Variants in NSL1 observed in about 807,000 individuals in gnomAD.
NSL1 encodes the protein NSL1 component of MIS12 kinetochore complex.
In NSL1, 11 loss-of-function variants were observed where a neutral mutation model predicts 25.4. The ratio of observed to expected loss-of-function variants is 0.43; its 90% CI spans 0.27 to 0.72. The LOEUF (loss-of-function observed/expected upper bound fraction) is 0.72. Ranked by LOEUF, NSL1 falls within the 30% of genes least tolerant of loss-of-function variation. The pLI is 0.19. For synonymous variants in NSL1, 118 were observed against 120.6 expected (o/e 0.98, Z 0.14); for missense variants, 330 against 342.7 (o/e 0.96, Z 0.29).
chr1:212,736,092 C>T lies in NSL1; in HGVS notation c.*2316G>A. ...TCACTCTGTCACCCAGGCTGGAGTA[C>T]AGTGGTGCCATCCTGGCTCACTGCA... On this transcript the variant is annotated 3_prime_UTR_variant, in exon 6 of 6. Coordinates refer to ENST00000366977, the MANE Select transcript of NSL1 (RefSeq NM_015471.4). 1.0e-6 allele frequency: 1 copy of T among 960,272 alleles called. No individual in the cohort carries two copies. The highest frequency in any genetic ancestry group is 1.2e-6 in the Non-Finnish European group (1 of 807,086). The allele number at this position is 960,272 out of a possible 1,614,324, so 59.5% of individuals were successfully genotyped here. A position where few individuals can be genotyped will look rare whatever the true frequency, so the allele number is the denominator to read the frequency against.
chr1:212,777,211 A>C (rs1660413630), intron 4 of NSL1, among the ~76,000 whole-genome samples: 1 of 151,628 alleles, frequency 6.6e-6, no homozygotes, highest in Admixed American at 6.6e-5. Flanking sequence ...CCATCGCTAC[A>C]AAAAAAAATT....
chr1:212,784,439 G>C lies in NSL1; in HGVS notation c.368C>G (p.Ala123Gly). ...TCTGGGATACTGCTTACGTTTTGTG[G>C]CTATATCTACTATGATTTCATCAAA... is the stretch of plus-strand genomic sequence containing the variant. ...DQFDEIIVDI[A>G]TKRKQYPRKI... The change falls in exon 3 of 6, where the codon GCC (alanine) becomes GGC (glycine). Residue 123 changes from alanine to glycine, a missense_variant. Physicochemically the swap from Ala to Gly is moderately conservative, Grantham distance 60 (BLOSUM62 0). Transcript: ENST00000366977. 1 of 1,593,584 alleles carries C rather than the reference G, an allele frequency of 6.3e-7. No individual in the cohort carries two copies. Among genetic ancestry groups the C allele is most frequent in the Non-Finnish European group, 8.6e-7 (1 of 1,164,780 alleles).
chr1:212,776,339 G>A (rs990560317), intron 4 of NSL1, among the ~76,000 whole-genome samples: 4 of 151,390 alleles, frequency 2.6e-5, no homozygotes. Context: ...CTCCAGCCTG[G>A]GCAACAAGAG....
chr1:212,757,606 A>G (rs548778482), intron 4 of NSL1, among the ~76,000 whole-genome samples: 2 of 152,274 alleles, frequency 1.3e-5, no homozygotes, highest in Non-Finnish European at 2.9e-5. Context: ...CAAGAGATGG[A>G]GCAAGGATGT....
intron 4 of NSL1, among the ~76,000 whole-genome samples, chr1:212,776,740 A>AC (rs1383416086): frequency 1.3e-5 from 2 of 150,880 alleles, no homozygotes; most frequent in Non-Finnish European, 2.9e-5. Flanking sequence ...AACAACAACA[A>AC]AAAAAACCAA....
chr1:212,744,478 G>A (rs921894687), intron 4 of NSL1, among the ~76,000 whole-genome samples: 1 of 152,090 alleles, frequency 6.6e-6, no homozygotes, highest in Non-Finnish European at 1.5e-5. Flanking sequence ...TATGAGGCAT[G>A]CGAAAATACA....
intron 4 of NSL1, among the ~76,000 whole-genome samples, chr1:212,779,392 C>G (rs1172609023): frequency 7.0e-6 from 1 of 142,388 alleles, no homozygotes; most frequent in Non-Finnish European, 1.5e-5. Context: ...GGGGGGTCAG[C>G]CCCCCGCCCG....
chr1:212,745,905 G>T (rs138125174), intron 4 of NSL1, among the ~76,000 whole-genome samples: 1 of 152,192 alleles, frequency 6.6e-6, no homozygotes, highest in African/African-American at 2.4e-5. Flanking sequence ...GGCTGAGGCT[G>T]CAGTGAGCTA....
intron 4 of NSL1, among the ~76,000 whole-genome samples, chr1:212,743,385 G>C (rs950748238): frequency 7.3e-5 from 11 of 151,242 alleles, no homozygotes; most frequent in African/African-American, 2.4e-4. Context: ...GAATGGCCTC[G>C]ATCTCTTGAC....
chr1:212,773,507 T>C (rs1424267008), intron 4 of NSL1, among the ~76,000 whole-genome samples: 1 of 152,256 alleles, frequency 6.6e-6, no homozygotes, highest in South Asian at 2.1e-4. Flanking sequence ...AGTTAAGATA[T>C]GACTACTATC....
chr1:212,737,998 C>T lies in NSL1; in HGVS notation c.*410G>A, dbSNP rs912077511. On this transcript the variant is annotated 3_prime_UTR_variant, in exon 6 of 6. Coordinates refer to ENST00000366977, the MANE Select transcript of NSL1 (RefSeq NM_015471.4). ...TGATAATTACTTTTCAGCATGTAAACGAAAAATCATTATACAGCTCTCTCT... is the reference window on the plus strand; with the variant it reads ...TGATAATTACTTTTCAGCATGTAAATGAAAAATCATTATACAGCTCTCTCT... The T allele has an allele frequency of 1.2e-5, 12 of 984,790 alleles. No homozygotes were observed. In the South Asian group the frequency reaches 1.9e-4, roughly 15 times the overall value. 61.0% of individuals were successfully genotyped at this position (984,790 alleles called of 1,614,324 possible).
At chr1:212,778,023 C>CA (rs1660458543) in intron 4 of NSL1, among the ~76,000 whole-genome samples, 1 of 152,092 alleles carries the variant, frequency 6.6e-6, no homozygotes, top group African/African-American at 2.4e-5. Context: ...ATGACAATAA[C>CA]AAAATGAAGA....
chr1:212,740,557 A>C (rs1266308759), intron 4 of NSL1, among the ~76,000 whole-genome samples: 1 of 152,030 alleles, frequency 6.6e-6, no homozygotes, highest in Non-Finnish European at 1.5e-5. Context: ...TTTTTAATGT[A>C]CTTGTTTTTT....
Position 212,730,237 on chromosome 1 carries a change from CAAAAA to C in NSL1, c.*8166_*8170del, listed in dbSNP as rs532313864. The C allele has an allele frequency of 9.6e-4, 578 of 602,402 alleles. No individual in the cohort carries two copies. The highest frequency in any genetic ancestry group is 5.9e-3 in the South Asian group (69 of 11,676). 37.3% of individuals were successfully genotyped at this position (602,402 alleles called of 1,614,324 possible). On this transcript the variant is annotated 3_prime_UTR_variant, in exon 6 of 6. Transcript: ENST00000366977. The stretch of plus-strand genomic sequence containing the variant: ...TACACTCCAGCCTGGGTGACAGTCT[CAAAAA>C]AAAAAAAAAAAAAAAAAAAAAAAGA...
Position 212,729,572 on chromosome 1 carries a change from CCT to C in NSL1, c.*8834_*8835del. The C allele has an allele frequency of 2.0e-6, 2 of 985,308 alleles. No individual in the cohort carries two copies. The highest frequency in any genetic ancestry group is 2.4e-6 in the Non-Finnish European group (2 of 829,912). 61.0% of individuals were successfully genotyped at this position (985,308 alleles called of 1,614,324 possible). A position where few individuals can be genotyped will look rare whatever the true frequency, so the allele number is the denominator to read the frequency against. ...TTTTATTATTCTGCCAGTGTCATCCCCTCATTTCTACACTTCCTCAGGATCAG... is the reference window on the plus strand; with the variant it reads ...TTTTATTATTCTGCCAGTGTCATCCCCATTTCTACACTTCCTCAGGATCAG... On this transcript the variant is annotated 3_prime_UTR_variant, in exon 6 of 6. Coordinates refer to ENST00000366977, the MANE Select transcript of NSL1 (RefSeq NM_015471.4).
At chr1:212,776,319 C>T (rs192215949) in intron 4 of NSL1, among the ~76,000 whole-genome samples, 3 of 151,546 alleles carry the variant, frequency 2.0e-5, no homozygotes, top group South Asian at 2.1e-4. Flanking sequence ...ACCAAGATCG[C>T]GCCATTGCAC....
At chr1:212,783,885 C>A (rs1558064996) in intron 3 of NSL1, among the ~76,000 whole-genome samples, 1 of 152,082 alleles carries the variant, frequency 6.6e-6, no homozygotes, top group Non-Finnish European at 1.5e-5. Flanking sequence ...ATTTTTGCAG[C>A]AAAACAAATT....
chr1:212,730,813 A>G lies in NSL1; in HGVS notation c.*7595T>C. 1.0e-6 allele frequency: 1 copy of G among 985,412 alleles called. No individual in the cohort carries two copies. 61.0% of individuals were successfully genotyped at this position (985,412 alleles called of 1,614,324 possible). A position where few individuals can be genotyped will look rare whatever the true frequency, so the allele number is the denominator to read the frequency against. ...GTCAGTTTCCCAGTGATCTGTCCTC[A>G]GTTTTTTACCTCTCCCCTCCCCACA... On this transcript the variant is annotated 3_prime_UTR_variant, in exon 6 of 6. Coordinates refer to ENST00000366977, the MANE Select transcript of NSL1 (RefSeq NM_015471.4).
chr1:212,765,507 T>C (rs190396634), intron 4 of NSL1, among the ~76,000 whole-genome samples: 7 of 152,232 alleles, frequency 4.6e-5, no homozygotes, highest in Admixed American at 4.6e-4. Context: ...TCAACAGAGA[T>C]GGAAAAAGCA....
Sources: gnomAD v4.1 joint callset for allele counts (sites outside exome capture counted in the v4.1 genomes callset) on GRCh38, gnomAD v4.1.1 for gene constraint, MANE v1.5 for transcripts, NCBI Gene and HGNC (gene_info 2026-07-23, HGNC 2026-07-21) for gene names.